The following PIGK variants were observed in gnomAD, a reference collection of about 807,000 sequenced individuals.
PIGK encodes GPI-anchor transamidase.
In PIGK, 42 loss-of-function variants were observed where a neutral mutation model predicts 50.6. The ratio of observed to expected loss-of-function variants is 0.83; its 90% CI spans 0.65 to 1.07. The LOEUF is 1.07. PIGK is among the 50% of genes least tolerant of loss of function. The probability of loss-of-function intolerance (pLI) is 0.00; values close to 1 mark genes in which losing one functional copy is unlikely to be tolerated. For synonymous variants in PIGK, 151 were observed against 156.0 expected, an observed-to-expected ratio of 0.97 and a Z score of 0.24; for missense variants, 448 against 488.7, an observed-to-expected ratio of 0.92 and a Z score of 0.78.
chr1:77,202,817 A>T (rs1346768618), intron 3 of PIGK, among the ~76,000 whole-genome samples: 1 of 152,190 alleles, frequency 6.6e-6, no homozygotes, highest in African/African-American at 2.4e-5. Flanking sequence ...GCTAAATTGT[A>T]TTTTTAAATA....
intron 3 of PIGK, among the ~76,000 whole-genome samples, chr1:77,179,424 C>T (rs936646192): frequency 3.9e-5 from 6 of 152,156 alleles, no homozygotes; most frequent in African/African-American, 9.7e-5. Flanking sequence ...CACTGAAAAC[C>T]TAATTTAGGA....
intron 5 of PIGK, among the ~76,000 whole-genome samples, chr1:77,165,684 A>G (rs1655218633): frequency 6.6e-6 from 1 of 152,180 alleles, no homozygotes; most frequent in African/African-American, 2.4e-5. Context: ...ATACCCAAAC[A>G]ATAAAGTAAT....
chr1:77,206,663 G>T lies in PIGK; in HGVS notation c.216C>A (p.Val72=). 3 of 1,608,130 alleles carry T rather than the reference G, an allele frequency of 1.9e-6. No individual in the cohort carries two copies. The highest frequency in any genetic ancestry group is 2.2e-5 in the South Asian group (2 of 90,872). Residue 72 remains valine, a synonymous_variant, in exon 3 of 11, where the codon GTC becomes GTA. Coordinates refer to ENST00000370812, the MANE Select transcript of PIGK (RefSeq NM_005482.3). The part of the protein sequence containing the change: ...VANTLSVYRS[V]KRLGIPDSHI... ...ACCTGTCAGGAATACCTAGCCTCTT[G>T]ACACTTCTATAAACAGAAAGGGTAT...
intron 9 of PIGK, among the ~76,000 whole-genome samples, chr1:77,147,593 A>G (rs1654800606): frequency 6.6e-6 from 1 of 152,242 alleles, no homozygotes; most frequent in Admixed American, 6.5e-5. Flanking sequence ...CAGAAAAGAT[A>G]CAAAACTGGT....
At chr1:77,100,725 T>C (rs1219050328) in intron 10 of PIGK, among the ~76,000 whole-genome samples, 1 of 152,126 alleles carries the variant, frequency 6.6e-6, no homozygotes, top group Non-Finnish European at 1.5e-5. Flanking sequence ...ATATCAGAGA[T>C]TGAAGTTGGA....
chr1:77,197,144 T>C (rs998927350), intron 3 of PIGK, among the ~76,000 whole-genome samples: 24 of 152,132 alleles, frequency 1.6e-4, no homozygotes, highest in Non-Finnish European at 3.5e-4. Flanking sequence ...ATTCAGGAGA[T>C]TATATAATGA....
At chr1:77,135,005 C>T (rs2653469) in intron 9 of PIGK, among the ~76,000 whole-genome samples, 29,581 of 151,932 alleles carry the variant, frequency 0.19, 3,743 homozygotes, top group African/African-American at 0.36. Context: ...ATTCCAACAC[C>T]TTATGTTATT....
At chr1:77,174,764 A>G (rs923298574) in intron 3 of PIGK, among the ~76,000 whole-genome samples, 1 of 152,122 alleles carries the variant, frequency 6.6e-6, no homozygotes, top group African/African-American at 2.4e-5. Context: ...AATTTCTGAG[A>G]TCTATTTTTC....
rs1159986242 is a variant in PIGK at position 77,089,347 on chromosome 1, T to C, written c.*3027A>G. The C allele has an allele frequency of 6.6e-6, 1 of 152,220 alleles. No homozygotes were observed. Among genetic ancestry groups the C allele is most frequent in the African/African-American group, 2.4e-5 (1 of 41,454 alleles). The allele number at this position is 152,220 out of a possible 1,614,324, so 9.4% of individuals were successfully genotyped here. On this transcript the variant is annotated 3_prime_UTR_variant, in exon 11 of 11. Transcript: ENST00000370812. ...AAAGCAAAAATGGATACTGATCTCA[T>C]TGTTTTATAGCCATATCTTGTGGTA... is the stretch of plus-strand genomic sequence containing the variant.
At chr1:77,118,346 C>T (rs1057200554) in intron 10 of PIGK, among the ~76,000 whole-genome samples, 4 of 151,914 alleles carry the variant, frequency 2.6e-5, no homozygotes, top group African/African-American at 9.7e-5. Context: ...CTCAGGGTAT[C>T]CTCCTGCCTC....
chr1:77,124,597 A>G (rs1654183171), intron 9 of PIGK, among the ~76,000 whole-genome samples: 1 of 151,286 alleles, frequency 6.6e-6, no homozygotes. Context: ...AGACAGAGCA[A>G]GAGTCTCAAA....
At chr1:77,136,235 G>A (rs1654510408) in intron 9 of PIGK, among the ~76,000 whole-genome samples, 1 of 152,116 alleles carries the variant, frequency 6.6e-6, no homozygotes, top group African/African-American at 2.4e-5. Context: ...TTGCTATTAA[G>A]ATGTTTGCTG....
chr1:77,176,449 G>A (rs1356102126), intron 3 of PIGK, among the ~76,000 whole-genome samples: 1 of 152,064 alleles, frequency 6.6e-6, no homozygotes, highest in African/African-American at 2.4e-5. Flanking sequence ...ATTCTAATAT[G>A]TCTAAGTAAT....
chr1:77,154,632 A>G lies in PIGK; in HGVS notation c.814-11T>C, dbSNP rs752042468. On this transcript the variant is annotated splice_polypyrimidine_tract_variant and intron_variant, in intron 8 of 10. Transcript: ENST00000370812. Reference sequence around the variant, plus strand: ...GGGACATACCTGAAACTGAAAAAATATATAATAATAAATGCATGCATCCAC... The same window carrying G: ...GGGACATACCTGAAACTGAAAAAATGTATAATAATAAATGCATGCATCCAC... 6.4e-7 allele frequency: 1 copy of G among 1,568,694 alleles called. No homozygotes were observed. The highest frequency in any genetic ancestry group is 2.3e-5 in the East Asian group (1 of 43,842).
chr1:77,156,682 A>G (rs1655014931), intron 8 of PIGK, among the ~76,000 whole-genome samples: 1 of 152,160 alleles, frequency 6.6e-6, no homozygotes, highest in Non-Finnish European at 1.5e-5. Flanking sequence ...AGAGTATGCT[A>G]TACTTCTTCT....
intron 10 of PIGK, among the ~76,000 whole-genome samples, chr1:77,101,538 T>G (rs554638384): frequency 2.0e-5 from 3 of 152,334 alleles, no homozygotes; most frequent in Non-Finnish European, 4.4e-5. Context: ...GTCTTAGTTA[T>G]GTATTATTTT....
Position 77,154,545 on chromosome 1 carries a change from T to C in PIGK, c.890A>G (p.Asn297Ser). The C allele has an allele frequency of 6.2e-7, 1 of 1,611,906 alleles. No homozygotes were observed. Among genetic ancestry groups the C allele is most frequent in the Non-Finnish European group, 8.5e-7 (1 of 1,178,150 alleles). Reference protein sequence around the residue: ...RTDLFQRDPKNVLITDFFGSV... With the variant: ...RTDLFQRDPKSVLITDFFGSV... ...TCCAAAGAAATCAGTTATCAGTACA[T>C]TTTTAGGATCCCTCTGAAAAAGATC... Residue 297 changes from asparagine (N) to serine (S), a missense_variant, in exon 9 of 11, where the codon AAT becomes AGT. By Grantham distance (46) the Asn-to-Ser change is conservative. Transcript: ENST00000370812.
At position 77,161,282 on chromosome 1, in the gene PIGK, A is replaced by C. The variant is rs1357000100; in HGVS notation, c.813+13T>G. 8.1e-7 allele frequency: 1 copy of C among 1,236,824 alleles called. No homozygotes were observed. 76.6% of individuals were successfully genotyped at this position (1,236,824 alleles called of 1,614,324 possible). A position where few individuals can be genotyped will look rare whatever the true frequency, so the allele number is the denominator to read the frequency against. On this transcript the variant is annotated intron_variant, in intron 8 of 10. Coordinates refer to ENST00000370812, the MANE Select transcript of PIGK (RefSeq NM_005482.3). ...ATACCTATGTGCTATAATCAAATCAAGTGAATACTTACAAGGTCATTCATA... is the reference window on the plus strand; with the variant it reads ...ATACCTATGTGCTATAATCAAATCACGTGAATACTTACAAGGTCATTCATA...
At chr1:77,134,023 C>T (rs974143190) in intron 9 of PIGK, among the ~76,000 whole-genome samples, 10 of 152,160 alleles carry the variant, frequency 6.6e-5, no homozygotes, top group African/African-American at 2.4e-4. Context: ...TTCTATGCAA[C>T]TAATCACCTC....
Sources: gnomAD v4.1 joint callset for allele counts (sites outside exome capture counted in the v4.1 genomes callset) on GRCh38, gnomAD v4.1.1 for gene constraint, MANE v1.5 for transcripts, NCBI Gene and HGNC (gene_info 2026-07-23, HGNC 2026-07-21) for gene names.